Variants in RAPGEF4 observed in about 807,000 individuals in gnomAD.
RAPGEF4 encodes the protein RAP guanine-nucleotide-exchange factor (GEF) 4.
In RAPGEF4, 66 loss-of-function variants were observed where a neutral mutation model predicts 147.9. The observed-to-expected ratio is 0.45, with a 90% CI of 0.37 to 0.55. RAPGEF4 has a LOEUF of 0.55. Among genes scored for constraint, RAPGEF4 ranks in the 20% least tolerant of loss-of-function variants. The pLI, the probability that RAPGEF4 is intolerant of heterozygous loss-of-function variation, is 0.00. For missense variants in RAPGEF4, 1,071 were observed against 1,257.3 expected (o/e 0.85, Z 2.24); for synonymous variants, 419 against 442.7 (o/e 0.95, Z 0.67).
intron 4 of RAPGEF4, among the ~76,000 whole-genome samples, chr2:172,883,968 T>TA (rs1042100363): frequency 9.2e-4 from 140 of 152,298 alleles, no homozygotes; most frequent in African/African-American, 2.7e-3. Flanking sequence ...CTACGGTCAG[T>TA]GAAATAATTG....
At chr2:172,857,066 A>G (rs1359147735) in intron 4 of RAPGEF4, among the ~76,000 whole-genome samples, 1 of 146,792 alleles carries the variant, frequency 6.8e-6, no homozygotes, top group African/African-American at 2.5e-5. Flanking sequence ...AGGACTTATA[A>G]TTGTTATCTG....
chr2:173,003,767 C>A (rs1317481585), intron 17 of RAPGEF4, among the ~76,000 whole-genome samples: 3 of 151,708 alleles, frequency 2.0e-5, no homozygotes, highest in Non-Finnish European at 4.4e-5. Context: ...GATTCTGTAA[C>A]CTTTAATTAG....
intron 6 of RAPGEF4, among the ~76,000 whole-genome samples, chr2:172,925,708 A>G (rs571924405): frequency 3.2e-4 from 48 of 151,220 alleles, no homozygotes; most frequent in African/African-American, 1.1e-3. Context: ...GTATCACTAG[A>G]CAATCTATCC....
In RAPGEF4 at chr2:172,736,021, C is replaced by T. The variant is rs1313295326; in HGVS notation, c.38C>T (p.Ala13Val). ...AAHAAHSSSS[A>V]EWIACLDKRP... ...CACGCTGCCCATTCTTCCTCCTCTG[C>T]CGAGTGGATCGCCTGCCTGGATAAA... Residue 13 changes from alanine to valine, a missense_variant, in exon 1 of 31, where the codon GCC becomes GTC. Physicochemically the swap from Ala to Val is moderately conservative, Grantham distance 64. Coordinates refer to ENST00000397081, the MANE Select transcript of RAPGEF4 (RefSeq NM_007023.4). 3 of 1,476,196 alleles carry T rather than the reference C, an allele frequency of 2.0e-6. No individual in the cohort carries two copies. The highest frequency in any genetic ancestry group is 2.7e-6 in the Non-Finnish European group (3 of 1,112,740). The allele number at this position is 1,476,196 out of a possible 1,614,324, so 91.4% of individuals were successfully genotyped here. A position where few individuals can be genotyped will look rare whatever the true frequency, so the allele number is the denominator to read the frequency against.
rs1302673942 is a variant in RAPGEF4 at position 173,017,514 on chromosome 2, C to T, written c.2008+10C>T. On this transcript the variant is annotated intron_variant, in intron 21 of 30. Transcript: ENST00000397081. The stretch of plus-strand genomic sequence containing the variant: ...CGCGGCTCTGATGAAGGTGAGAACC[C>T]TCTTCCAACTAACTCGTAGTTGTAT... The T allele has an allele frequency of 1.9e-6, 3 of 1,604,824 alleles. No individual in the cohort carries two copies. In the South Asian group the frequency reaches 3.3e-5, roughly 18 times the overall value.
chr2:172,956,600 G>A (rs1482165340), intron 6 of RAPGEF4, among the ~76,000 whole-genome samples: 3 of 151,642 alleles, frequency 2.0e-5, no homozygotes, highest in Admixed American at 2.0e-4. Flanking sequence ...CTCCCAAGTA[G>A]CTGGGACTAC....
intron 6 of RAPGEF4, among the ~76,000 whole-genome samples, chr2:172,942,657 C>T (rs150867652): frequency 3.6e-4 from 55 of 151,514 alleles, no homozygotes; most frequent in African/African-American, 1.2e-3. Context: ...TGCTCTGTCA[C>T]AGCATGGTCC....
At chr2:173,040,350 A>G (rs561495741) in intron 29 of RAPGEF4, among the ~76,000 whole-genome samples, 1 of 152,132 alleles carries the variant, frequency 6.6e-6, no homozygotes, top group East Asian at 1.9e-4. Context: ...CCATATCACC[A>G]CCACTACCAT....
chr2:172,887,768 A>G (rs986812003), intron 4 of RAPGEF4, among the ~76,000 whole-genome samples: 1 of 151,908 alleles, frequency 6.6e-6, no homozygotes, highest in Non-Finnish European at 1.5e-5. Context: ...CGTGCATCTG[A>G]GCCTTCGCAC....
At chr2:172,844,724 T>A (rs1006780401) in intron 4 of RAPGEF4, among the ~76,000 whole-genome samples, 2 of 152,232 alleles carry the variant, frequency 1.3e-5, no homozygotes, top group African/African-American at 4.8e-5. Flanking sequence ...TTTGTACTTG[T>A]TCTCCAAATT....
intron 4 of RAPGEF4, among the ~76,000 whole-genome samples, chr2:172,910,013 G>C (rs1699950151): frequency 6.6e-6 from 1 of 152,172 alleles, no homozygotes; most frequent in Admixed American, 6.5e-5. Flanking sequence ...CATGACCCTT[G>C]CTGCCAGGTG....
intron 6 of RAPGEF4, among the ~76,000 whole-genome samples, chr2:172,935,863 A>T (rs1034515526): frequency 6.6e-6 from 1 of 152,212 alleles, no homozygotes; most frequent in South Asian, 2.1e-4. Flanking sequence ...CTAGAATATT[A>T]CAGGAATTCT....
At chr2:172,891,379 A>G (rs997028142) in intron 4 of RAPGEF4, among the ~76,000 whole-genome samples, 2 of 152,112 alleles carry the variant, frequency 1.3e-5, no homozygotes, top group African/African-American at 2.4e-5. Flanking sequence ...ATTTAACTCA[A>G]TCTCTCAATG....
chr2:172,878,002 G>A (rs940259173), intron 4 of RAPGEF4, among the ~76,000 whole-genome samples: 2 of 152,142 alleles, frequency 1.3e-5, no homozygotes, highest in Non-Finnish European at 2.9e-5. Context: ...TGACCCCTCC[G>A]TGACTCAGCC....
At chr2:172,906,449 G>T (rs573598693) in intron 4 of RAPGEF4, among the ~76,000 whole-genome samples, 1 of 152,308 alleles carries the variant, frequency 6.6e-6, no homozygotes, top group East Asian at 1.9e-4. Context: ...GTGGCTTCCT[G>T]TTTTTAATGC....
In RAPGEF4 at chr2:172,864,908, A is replaced by C. The variant is rs1694458437; in HGVS notation, c.444+50483A>C. 2.0e-5 allele frequency among the ~76,000 whole-genome samples: 3 copies of C among 152,226 alleles called. No individual in the cohort carries two copies. In the South Asian group the frequency reaches 6.2e-4, roughly 32 times the overall value. On this transcript the variant is annotated intron_variant, in intron 4 of 30. Transcript: ENST00000397081. ...CCATGGAGTTAGACTCTGTCTCAAAAACAAACAAAACAGAAACAAAATCCA... is the reference window on the plus strand; with the variant it reads ...CCATGGAGTTAGACTCTGTCTCAAACACAAACAAAACAGAAACAAAATCCA...
intron 1 of RAPGEF4, among the ~76,000 whole-genome samples, chr2:172,788,567 C>T (rs190787290): frequency 3.3e-5 from 5 of 152,218 alleles, no homozygotes; most frequent in Admixed American, 2.6e-4. Context: ...TCTGGATCCT[C>T]TGTTCAGAGT....
chr2:172,913,039 G>A (rs1683622735), intron 4 of RAPGEF4, among the ~76,000 whole-genome samples: 1 of 151,900 alleles, frequency 6.6e-6, no homozygotes, highest in Non-Finnish European at 1.5e-5. Flanking sequence ...GGGATTACAG[G>A]CGCCCACCAC....
At chr2:173,024,436 C>T (rs1231865954) in intron 23 of RAPGEF4, among the ~76,000 whole-genome samples, 1 of 140,744 alleles carries the variant, frequency 7.1e-6, no homozygotes, top group African/African-American at 2.5e-5. Flanking sequence ...CCAGGATGGT[C>T]TCGATCTCCT....
Sources: allele counts gnomAD v4.1 joint callset (sites outside exome capture counted in the v4.1 genomes callset), GRCh38; gene constraint gnomAD v4.1.1; transcripts MANE v1.5; gene names NCBI Gene and HGNC (gene_info 2026-07-23, HGNC 2026-07-21).